EBF1: variants seen among roughly 807,000 people sequenced by gnomAD.
The protein encoded by EBF1 is EBF transcription factor 1, also known as transcription factor COE1.
In EBF1, 10 loss-of-function variants were observed where a neutral mutation model predicts 68.4. The ratio of observed to expected loss-of-function variants is 0.15; its 90% CI spans 0.09 to 0.25. The LOEUF (loss-of-function observed/expected upper bound fraction) is 0.25. Ranked by LOEUF, EBF1 falls within the 10% of genes least tolerant of loss-of-function variation. EBF1 has a pLI of 1.00. For synonymous variants in EBF1, 298 were observed against 299.8 expected, an observed-to-expected ratio of 0.99 and a Z score of 0.06; for missense variants, 509 against 794.4, an observed-to-expected ratio of 0.64 and a Z score of 4.32.
At position 158,708,094 on chromosome 5, in the gene EBF1, G is replaced by A. The variant is rs1469667422; in HGVS notation, c.1629C>T (p.Phe543=). The A allele has an allele frequency of 3.2e-6, 5 of 1,582,520 alleles. No individual in the cohort carries two copies. In the East Asian group the frequency reaches 6.9e-5, roughly 22 times the overall value. The stretch of plus-strand genomic sequence containing the variant: ...CGGCTGAGACCATGTTGGCTGGTGA[G>A]AAGGAGAAGATGCCCGAGGAGCTGC... ...NCSSSSGIFS[F]SPANMVSAVK... Residue 543 remains phenylalanine, a synonymous_variant, in exon 15 of 16, where the codon TTC becomes TTT. Coordinates refer to ENST00000313708, the MANE Select transcript of EBF1 (RefSeq NM_024007.5).
At chr5:158,912,873 T>C (rs1806316594) in intron 6 of EBF1, among the ~76,000 whole-genome samples, 1 of 152,226 alleles carries the variant, frequency 6.6e-6, no homozygotes, top group African/African-American at 2.4e-5. Context: ...GTAGTTATTC[T>C]TGCAGGTAGT....
At chr5:158,741,400 C>T (rs1766375189) in intron 10 of EBF1, among the ~76,000 whole-genome samples, 1 of 151,936 alleles carries the variant, frequency 6.6e-6, no homozygotes, top group Non-Finnish European at 1.5e-5. Context: ...TATAGTGAGA[C>T]CTCGTCTCTA....
chr5:159,044,275 C>T (rs1187673098), intron 6 of EBF1, among the ~76,000 whole-genome samples: 2 of 152,140 alleles, frequency 1.3e-5, no homozygotes, highest in Non-Finnish European at 2.9e-5. Flanking sequence ...GGCCCAACCT[C>T]CTATTTATTA....
intron 6 of EBF1, among the ~76,000 whole-genome samples, chr5:158,977,695 G>A (rs540826842): frequency 1.3e-5 from 2 of 152,266 alleles, no homozygotes; most frequent in African/African-American, 2.4e-5. Context: ...GATATGAAAG[G>A]GGTGGTTAAA....
intron 6 of EBF1, among the ~76,000 whole-genome samples, chr5:158,857,148 A>G (rs1794192436): frequency 6.6e-6 from 1 of 151,864 alleles, no homozygotes. Flanking sequence ...TAACCCTGTT[A>G]GATCCTTCTG....
intron 6 of EBF1, among the ~76,000 whole-genome samples, chr5:158,976,314 G>T (rs898827143): frequency 6.6e-6 from 1 of 152,002 alleles, no homozygotes; most frequent in Non-Finnish European, 1.5e-5. Flanking sequence ...AGGCAGAATG[G>T]ATTTCTTTGT....
rs73300061 is a variant in EBF1, at chr5:158,883,244, T to C, written c.555-43134A>G. Among the ~76,000 whole-genome samples, 214 of 152,142 alleles carry C rather than the reference T, an allele frequency of 1.4e-3. 1 individual carries two copies. Among genetic ancestry groups the C allele is most frequent in the African/African-American group, 4.9e-3 (205 of 41,516 alleles). On this transcript the variant is annotated intron_variant, in intron 6 of 15. Coordinates refer to ENST00000313708, the MANE Select transcript of EBF1 (RefSeq NM_024007.5). ...TGTGTATATACACACATAATACACA[T>C]AAAACATGAATGTCCCTTTTTCTGG...
chr5:158,745,265 A>G (rs1412950002), intron 10 of EBF1, among the ~76,000 whole-genome samples: 1 of 152,202 alleles, frequency 6.6e-6, no homozygotes, highest in East Asian at 1.9e-4. Flanking sequence ...ATTTGTTGCT[A>G]TTAGCTCGTG....
chr5:158,726,432 T>C (rs1024927105), intron 11 of EBF1, among the ~76,000 whole-genome samples: 1 of 152,208 alleles, frequency 6.6e-6, no homozygotes, highest in African/African-American at 2.4e-5. Context: ...TACTCTTTTT[T>C]AAGTCTATTA....
rs111371070 is a variant in EBF1, at chr5:158,840,963, G to A, written c.555-853C>T. On this transcript the variant is annotated intron_variant, in intron 6 of 15. Coordinates refer to ENST00000313708, the MANE Select transcript of EBF1 (RefSeq NM_024007.5). ...TGGGATTACAGGCGTGAGCCACCGC[G>A]CCAGGCCCTCCTGTTTTTCTTAAAC... Among the ~76,000 whole-genome samples, 999 of 152,130 alleles carry A rather than the reference G, an allele frequency of 6.6e-3. 14 individuals are homozygous for A. Among genetic ancestry groups the A allele is most frequent in the African/African-American group, 0.023 (942 of 41,530 alleles).
At chr5:158,981,993 T>G (rs1757992457) in intron 6 of EBF1, among the ~76,000 whole-genome samples, 1 of 152,254 alleles carries the variant, frequency 6.6e-6, no homozygotes. Context: ...AATATCATTT[T>G]AAAATTGCAT....
Position 158,862,532 on chromosome 5 carries a change from G to A in EBF1, c.555-22422C>T, listed in dbSNP as rs73816079. On this transcript the variant is annotated intron_variant, in intron 6 of 15. Transcript: ENST00000313708. The stretch of plus-strand genomic sequence containing the variant: ...AGGCTATCTCAGAGAAGCCCCCTAC[G>A]TGCCACTATGCTTGTCCCACTGTGC... Among the ~76,000 whole-genome samples, 764 of 152,136 alleles carry A rather than the reference G, an allele frequency of 5.0e-3. 9 individuals carry two copies. The highest frequency in any genetic ancestry group is 0.017 in the African/African-American group (690 of 41,504).
chr5:159,054,249 G>A (rs925977423), intron 6 of EBF1, among the ~76,000 whole-genome samples: 10 of 152,096 alleles, frequency 6.6e-5, no homozygotes, highest in Non-Finnish European at 1.2e-4. Context: ...AATAAGAAGC[G>A]AAGGAAAGCA....
At chr5:159,041,522 C>T (rs1175440233) in intron 6 of EBF1, among the ~76,000 whole-genome samples, 1 of 152,080 alleles carries the variant, frequency 6.6e-6, no homozygotes, top group African/African-American at 2.4e-5. Context: ...TTTCTTTCTG[C>T]ATTTTAGTCA....
intron 6 of EBF1, among the ~76,000 whole-genome samples, chr5:158,931,158 C>T (rs1349155846): frequency 1.3e-5 from 2 of 152,188 alleles, no homozygotes; most frequent in Admixed American, 1.3e-4. Flanking sequence ...CTAAGCTGCC[C>T]ATTTCTAGTT....
At chr5:159,085,784 A>G (rs936700079) in intron 4 of EBF1, among the ~76,000 whole-genome samples, 17 of 152,070 alleles carry the variant, frequency 1.1e-4, no homozygotes, top group African/African-American at 3.9e-4. Context: ...TATAGTATAT[A>G]TATCTTTATA....
chr5:158,745,359 A>G (rs1402857478), intron 10 of EBF1, among the ~76,000 whole-genome samples: 1 of 152,186 alleles, frequency 6.6e-6, no homozygotes, highest in Non-Finnish European at 1.5e-5. Flanking sequence ...GTCAGGTAAT[A>G]CCTACTGTGA....
chr5:159,070,406 T>TA (rs1777596547), intron 6 of EBF1, among the ~76,000 whole-genome samples: 2 of 152,224 alleles, frequency 1.3e-5, no homozygotes, highest in Non-Finnish European at 2.9e-5. Context: ...GCCCCTTTTC[T>TA]AAATCACAGT....
At chr5:158,987,424 G>T (rs1759321786) in intron 6 of EBF1, among the ~76,000 whole-genome samples, 1 of 152,148 alleles carries the variant, frequency 6.6e-6, no homozygotes, top group South Asian at 2.1e-4. Flanking sequence ...AGCCCTTGGG[G>T]TTTAAGAACA....
Sources: allele counts gnomAD v4.1 joint callset (sites outside exome capture counted in the v4.1 genomes callset), GRCh38; gene constraint gnomAD v4.1.1; transcripts MANE v1.5; gene names NCBI Gene and HGNC (gene_info 2026-07-23, HGNC 2026-07-21).